The following B3GAT2 variants were observed in gnomAD, a reference collection of about 807,000 sequenced individuals.
The protein encoded by B3GAT2 is galactosylgalactosylxylosylprotein 3-beta-glucuronosyltransferase 2.
A neutral mutation model predicts 27.8 loss-of-function variants in B3GAT2; 26 were observed. The observed-to-expected ratio is 0.93, with a 90% CI of 0.68 to 1.30. The LOEUF (loss-of-function observed/expected upper bound fraction) is 1.30. B3GAT2 is among the 50% of genes most tolerant of loss of function. The pLI, the probability that B3GAT2 is intolerant of heterozygous loss-of-function variation, is 0.00. For synonymous variants in B3GAT2, 218 were observed against 195.1 expected (o/e 1.12, Z -0.98); for missense variants, 458 against 459.0 (o/e 1.00, Z 0.02).
chr6:70,928,192 G>A (rs964560611), intron 1 of B3GAT2, among the ~76,000 whole-genome samples: 5 of 152,086 alleles, frequency 3.3e-5, no homozygotes, highest in African/African-American at 1.2e-4. Context: ...GCAGTGTGTA[G>A]AGGGAAATTT....
chr6:70,927,826 C>A lies in B3GAT2; in HGVS notation c.591+28013G>T, dbSNP rs532788559. Among the ~76,000 whole-genome samples the A allele has an allele frequency of 3.2e-3, 486 of 152,244 alleles. 1 individual carries two copies. The highest frequency in any genetic ancestry group is 0.011 in the African/African-American group (477 of 41,536). On this transcript the variant is annotated intron_variant, in intron 1 of 3. Transcript: ENST00000230053. Reference sequence around the variant, plus strand: ...TCCAGGACTTGAACTCAGCTCTGCACCAAGTGGACTTAATAGACACATACA... The same window carrying A: ...TCCAGGACTTGAACTCAGCTCTGCAACAAGTGGACTTAATAGACACATACA...
intron 2 of B3GAT2, among the ~76,000 whole-genome samples, chr6:70,876,975 G>C (rs1439579049): frequency 6.6e-6 from 1 of 152,202 alleles, no homozygotes; most frequent in Non-Finnish European, 1.5e-5. Flanking sequence ...TAGAGGAAGG[G>C]AGACCTGTGA....
At position 70,858,293 on chromosome 6, in the gene B3GAT2, T is replaced by A; in HGVS notation, c.*3370A>T. 1.7e-5 allele frequency: 20 copies of A among 1,152,506 alleles called. No homozygotes were observed. Among genetic ancestry groups the A allele is most frequent in the African/African-American group, 6.9e-5 (4 of 58,142 alleles). The allele number at this position is 1,152,506 out of a possible 1,614,324, so 71.4% of individuals were successfully genotyped here. ...CCAGATTTATTTTCTAAATCTTTTT[T>A]TTTTTTTTTTTTTTTTTTTTTTAAG... On this transcript the variant is annotated 3_prime_UTR_variant, in exon 4 of 4. Coordinates refer to ENST00000230053, the MANE Select transcript of B3GAT2 (RefSeq NM_080742.3).
At chr6:70,952,921 C>T (rs1238583133) in intron 1 of B3GAT2, among the ~76,000 whole-genome samples, 1 of 152,202 alleles carries the variant, frequency 6.6e-6, no homozygotes, top group African/African-American at 2.4e-5. Context: ...CACAGATTGC[C>T]TGTTGCGTCT....
intron 1 of B3GAT2, among the ~76,000 whole-genome samples, chr6:70,912,058 G>A (rs1772697516): frequency 6.6e-6 from 1 of 152,032 alleles, no homozygotes; most frequent in African/African-American, 2.4e-5. Flanking sequence ...AGACACTATG[G>A]AATTTTCTAG....
At chr6:70,936,929 C>T (rs1010380189) in intron 1 of B3GAT2, among the ~76,000 whole-genome samples, 3 of 151,754 alleles carry the variant, frequency 2.0e-5, no homozygotes, top group African/African-American at 7.3e-5. Flanking sequence ...GAAATAGAGA[C>T]ACAAAAAACC....
chr6:70,931,120 T>G (rs1021220554), intron 1 of B3GAT2, among the ~76,000 whole-genome samples: 1 of 151,520 alleles, frequency 6.6e-6, no homozygotes, highest in African/African-American at 2.4e-5. Context: ...CACTCATAGG[T>G]GGGAACTGAA....
intron 2 of B3GAT2, among the ~76,000 whole-genome samples, chr6:70,881,417 T>C (rs1236881716): frequency 6.6e-6 from 1 of 152,198 alleles, no homozygotes; most frequent in Non-Finnish European, 1.5e-5. Context: ...TCTACTCATA[T>C]TTGCAAACAG....
At chr6:70,924,258 A>G (rs1772918227) in intron 1 of B3GAT2, among the ~76,000 whole-genome samples, 1 of 152,248 alleles carries the variant, frequency 6.6e-6, no homozygotes, top group Non-Finnish European at 1.5e-5. Flanking sequence ...GAAAGAAATT[A>G]AAGACCACAA....
At chr6:70,887,358 CAG>C (rs983905966) in intron 2 of B3GAT2, among the ~76,000 whole-genome samples, 3 of 152,192 alleles carry the variant, frequency 2.0e-5, no homozygotes, top group African/African-American at 7.2e-5. Flanking sequence ...CACGTCCCTG[CAG>C]AGAGCCCACA....
At chr6:70,921,096 A>G (rs1016844307) in intron 1 of B3GAT2, among the ~76,000 whole-genome samples, 2 of 152,048 alleles carry the variant, frequency 1.3e-5, no homozygotes, top group African/African-American at 2.4e-5. Context: ...TGATGCCTAC[A>G]TGTCTTGGGG....
intron 1 of B3GAT2, among the ~76,000 whole-genome samples, chr6:70,898,875 A>C (rs575230377): frequency 6.6e-6 from 1 of 152,052 alleles, no homozygotes; most frequent in Non-Finnish European, 1.5e-5. Flanking sequence ...AGGCGGGAGG[A>C]TTGCTTGAGC....
intron 2 of B3GAT2, among the ~76,000 whole-genome samples, chr6:70,883,902 A>C (rs1772137897): frequency 6.6e-6 from 1 of 151,982 alleles, no homozygotes; most frequent in African/African-American, 2.4e-5. Flanking sequence ...TTTCTATGGA[A>C]GTGACTCTAT....
At chr6:70,952,864 A>G (rs1699578970) in intron 1 of B3GAT2, among the ~76,000 whole-genome samples, 1 of 152,240 alleles carries the variant, frequency 6.6e-6, no homozygotes, top group African/African-American at 2.4e-5. Flanking sequence ...AGTTAGCTGT[A>G]TGAGATGACA....
chr6:70,944,148 G>A (rs1033066548), intron 1 of B3GAT2, among the ~76,000 whole-genome samples: 19 of 152,182 alleles, frequency 1.2e-4, no homozygotes, highest in African/African-American at 4.6e-4. Context: ...CGTGAGCGAC[G>A]CAGAAGATGG....
Position 70,859,014 on chromosome 6 carries a change from T to G in B3GAT2, c.*2649A>C, listed in dbSNP as rs934919744. ...AGGTTCATGCTCCCACTCTTCTTCC[T>G]TTTACACTTCCCATTGATGTTCCTC... On this transcript the variant is annotated 3_prime_UTR_variant, in exon 4 of 4. Transcript: ENST00000230053. 1 of 198,972 alleles carries G rather than the reference T, an allele frequency of 5.0e-6. No homozygotes were observed. The highest frequency in any genetic ancestry group is 1.0e-5 in the Non-Finnish European group (1 of 98,280). The allele number at this position is 198,972 out of a possible 1,614,324, so 12.3% of individuals were successfully genotyped here. A position where few individuals can be genotyped will look rare whatever the true frequency, so the allele number is the denominator to read the frequency against.
chr6:70,926,588 CA>C (rs1223682292), intron 1 of B3GAT2, among the ~76,000 whole-genome samples: 1 of 151,986 alleles, frequency 6.6e-6, no homozygotes, highest in Non-Finnish European at 1.5e-5. Context: ...GATTGAAGAT[CA>C]AATGAATGAA....
At chr6:70,934,070 C>T (rs1049634698) in intron 1 of B3GAT2, among the ~76,000 whole-genome samples, 1 of 152,178 alleles carries the variant, frequency 6.6e-6, no homozygotes, top group African/African-American at 2.4e-5. Flanking sequence ...ATGAAAAAAG[C>T]ACTAGTCAGT....
At chr6:70,941,250 T>C (rs1765387619) in intron 1 of B3GAT2, among the ~76,000 whole-genome samples, 1 of 152,100 alleles carries the variant, frequency 6.6e-6, no homozygotes, top group Non-Finnish European at 1.5e-5. Flanking sequence ...ACTTAACAAA[T>C]CAAGACAGTG....
Sources: gnomAD v4.1 joint callset for allele counts (sites outside exome capture counted in the v4.1 genomes callset) on GRCh38, gnomAD v4.1.1 for gene constraint, MANE v1.5 for transcripts, NCBI Gene and HGNC (gene_info 2026-07-23, HGNC 2026-07-21) for gene names.